RIMS1: variants seen among roughly 807,000 people sequenced by gnomAD.
RIMS1 encodes regulating synaptic membrane exocytosis protein 1.
RIMS1 carries 83 observed loss-of-function variants against 214.1 expected under a neutral mutation model. The observed-to-expected ratio is 0.39, with a 90% CI of 0.32 to 0.47. The LOEUF (loss-of-function observed/expected upper bound fraction) is 0.47, where lower values mean the gene tolerates loss of function less well. Ranked by LOEUF, RIMS1 falls within the 20% of genes least tolerant of loss-of-function variation. The probability of loss-of-function intolerance (pLI) is 0.99; values close to 1 mark genes in which losing one functional copy is unlikely to be tolerated. For missense variants in RIMS1, 2,050 were observed against 2,161.8 expected (o/e 0.95, Z 1.03); for synonymous variants, 793 against 786.8 (o/e 1.01, Z -0.13).
intron 11 of RIMS1, among the ~76,000 whole-genome samples, chr6:72,246,298 T>A (rs1006266923): frequency 2.6e-5 from 4 of 152,120 alleles, no homozygotes; most frequent in Non-Finnish European, 5.9e-5. Context: ...GTGGATTGAT[T>A]TTGGAAGTGA....
rs189399837 is a variant in RIMS1 at position 72,175,306 on chromosome 6, C to T, written c.472-4269C>T. 77 of 271,224 alleles carry T rather than the reference C, an allele frequency of 2.8e-4. 1 individual carries two copies. The Middle Eastern group carries it at 6.0e-3, about 21-fold the overall frequency. 16.8% of individuals were successfully genotyped at this position (271,224 alleles called of 1,614,324 possible). Reference sequence around the variant, plus strand: ...CAATCTCTTTTTCTAAACCTTCATGCTTATATTTATTCTTTATATTATAAT... The same window carrying T: ...CAATCTCTTTTTCTAAACCTTCATGTTTATATTTATTCTTTATATTATAAT... On this transcript the variant is annotated intron_variant, in intron 4 of 33. Coordinates refer to ENST00000521978, the MANE Select transcript of RIMS1 (RefSeq NM_014989.7).
chr6:72,239,042 C>T (rs767749425), intron 9 of RIMS1, among the ~76,000 whole-genome samples: 6 of 151,986 alleles, frequency 3.9e-5, no homozygotes, highest in Non-Finnish European at 8.8e-5. Context: ...TTATGAAGGA[C>T]CAGTTATGAT....
chr6:72,143,753 A>T (rs1668214678), intron 4 of RIMS1, among the ~76,000 whole-genome samples: 1 of 152,336 alleles, frequency 6.6e-6, no homozygotes, highest in African/African-American at 2.4e-5. Flanking sequence ...AGAGGATACA[A>T]TTAATTTCTA....
chr6:72,189,945 C>T (rs1027082888), intron 6 of RIMS1, among the ~76,000 whole-genome samples: 1 of 152,198 alleles, frequency 6.6e-6, no homozygotes, highest in Non-Finnish European at 1.5e-5. Context: ...GAGTTCCATC[C>T]ACGTACCTCT....
chr6:72,333,905 T>C (rs1594021933), intron 29 of RIMS1, 70 bp downstream of exon 29: 2 of 1,052,344 alleles, frequency 1.9e-6, no homozygotes, highest in East Asian at 2.6e-5. Flanking sequence ...CTTCATGCTA[T>C]GGCTTGTGAT....
At chr6:72,107,576 G>A (rs2035022292) in intron 4 of RIMS1, among the ~76,000 whole-genome samples, 1 of 151,916 alleles carries the variant, frequency 6.6e-6, no homozygotes, top group Non-Finnish European at 1.5e-5. Context: ...AAAAAAGAAA[G>A]AAAGAAAGAA....
At chr6:72,197,293 G>A (rs2051151314) in intron 6 of RIMS1, among the ~76,000 whole-genome samples, 1 of 152,056 alleles carries the variant, frequency 6.6e-6, no homozygotes. Flanking sequence ...CTGATTGGTT[G>A]CTCATTTTAA....
chr6:72,079,821 C>T (rs763540643), intron 2 of RIMS1, among the ~76,000 whole-genome samples: 14 of 151,704 alleles, frequency 9.2e-5, no homozygotes, highest in Non-Finnish European at 1.3e-4. Flanking sequence ...GCGATTGAGG[C>T]TACAGTGAGC....
Position 72,212,306 on chromosome 6 carries a change from TATA to T in RIMS1, c.1679-21463_1679-21461del, listed in dbSNP as rs1334481421. Reference sequence around the variant, plus strand: ...TGTATTAGTTTTGTAGCATGTCACATATAATAGGAATCTATATATAATATATAA... The same window carrying T: ...TGTATTAGTTTTGTAGCATGTCACATATAGGAATCTATATATAATATATAA... On this transcript the variant is annotated intron_variant, in intron 6 of 33. Coordinates refer to ENST00000521978, the MANE Select transcript of RIMS1 (RefSeq NM_014989.7). Among the ~76,000 whole-genome samples, 4 of 151,166 alleles carry T rather than the reference TATA, an allele frequency of 2.6e-5. No homozygotes were observed. The East Asian group carries it at 5.8e-4, about 22-fold the overall frequency.
chr6:72,003,840 TTTTCTTTTTTTTTCGATTTTCC>T (rs1408412266), intron 2 of RIMS1, among the ~76,000 whole-genome samples: 1 of 151,940 alleles, frequency 6.6e-6, no homozygotes, highest in African/African-American at 2.4e-5. Flanking sequence ...TAAAGATCAT[TTTTCTTTTTTTTTCGATTTTCC>T]TTTCTTTTTT....
chr6:72,095,748 C>T (rs1387359809), intron 2 of RIMS1, among the ~76,000 whole-genome samples: 1 of 152,138 alleles, frequency 6.6e-6, no homozygotes. Flanking sequence ...ATTCTATTTC[C>T]AGGGAGTATC....
intron 15 of RIMS1, among the ~76,000 whole-genome samples, chr6:72,252,444 AG>A (rs1362778437): frequency 1.3e-5 from 2 of 152,164 alleles, no homozygotes; most frequent in African/African-American, 2.4e-5. Flanking sequence ...TTAATTGTGT[AG>A]AAAACAATGT....
rs116473285 is a variant in RIMS1, at chr6:72,225,701, G to T, written c.1679-8072G>T. On this transcript the variant is annotated intron_variant, in intron 6 of 33. Coordinates refer to ENST00000521978, the MANE Select transcript of RIMS1 (RefSeq NM_014989.7). ...TGCACTTGACAACCTGTTCTCCCAC[G>T]TGAATGGAATACTCAGTGTCAATGT... Among the ~76,000 whole-genome samples, 98 of 152,228 alleles carry T rather than the reference G, an allele frequency of 6.4e-4. 1 individual carries two copies. Among genetic ancestry groups the T allele is most frequent in the African/African-American group, 2.3e-3 (94 of 41,552 alleles).
chr6:72,161,726 A>G (rs1260854177), intron 4 of RIMS1, among the ~76,000 whole-genome samples: 2 of 140,552 alleles, frequency 1.4e-5, no homozygotes, highest in African/African-American at 4.9e-5. Context: ...CCTGAGTTCT[A>G]GTTTGATTGC....
intron 4 of RIMS1, among the ~76,000 whole-genome samples, chr6:72,162,769 A>C (rs1218541501): frequency 1.4e-5 from 2 of 140,652 alleles, no homozygotes; most frequent in African/African-American, 4.9e-5. Context: ...TGTTAGTCTG[A>C]TGGGCTTCCC....
chr6:72,147,555 C>T (rs1035610399), intron 4 of RIMS1, among the ~76,000 whole-genome samples: 2 of 152,116 alleles, frequency 1.3e-5, no homozygotes, highest in African/African-American at 4.8e-5. Context: ...GAGTCCCAGG[C>T]TATCAAAAGC....
chr6:72,333,511 G>A, intron 28 of RIMS1, 89 bp from the exon 29 acceptor site: 1 of 1,083,920 alleles, frequency 9.2e-7, no homozygotes. Context: ...AATGTGTCTG[G>A]ATTATTTCAA....
At chr6:72,316,218 G>C (rs1028743124) in intron 28 of RIMS1, among the ~76,000 whole-genome samples, 1 of 152,150 alleles carries the variant, frequency 6.6e-6, no homozygotes, top group Non-Finnish European at 1.5e-5. Flanking sequence ...ATGAGAGAGG[G>C]CAGGACTTCA....
chr6:72,004,631 C>T (rs1806702426), intron 2 of RIMS1, among the ~76,000 whole-genome samples: 1 of 152,000 alleles, frequency 6.6e-6, no homozygotes, highest in Non-Finnish European at 1.5e-5. Context: ...TGATGGTGAG[C>T]ATTTTTTCAT....
Sources: gnomAD v4.1 joint callset for allele counts (sites outside exome capture counted in the v4.1 genomes callset) on GRCh38, gnomAD v4.1.1 for gene constraint, MANE v1.5 for transcripts, NCBI Gene and HGNC (gene_info 2026-07-23, HGNC 2026-07-21) for gene names.